Variants in ANKRD36 observed in about 807,000 individuals in gnomAD.
ANKRD36 encodes ankyrin repeat domain 36, also known as ankyrin repeat domain-containing protein 36A.
ANKRD36 carries 179 observed loss-of-function variants against 278.1 expected under a neutral mutation model. The observed-to-expected ratio is 0.64, with a 90% confidence interval of 0.57 to 0.73. The LOEUF (loss-of-function observed/expected upper bound fraction) is 0.73. Among genes scored for constraint, ANKRD36 ranks in the 30% least tolerant of loss-of-function variants. The pLI, the probability that ANKRD36 is intolerant of heterozygous loss-of-function variation, is 0.00. For synonymous variants in ANKRD36, 320 were observed against 641.1 expected (o/e 0.50, Z 7.57); for missense variants, 1,159 against 1,956.7 (o/e 0.59, Z 7.69).
At chr2:97,162,683 A>T (rs1206691535) in intron 18 of ANKRD36, among the ~76,000 whole-genome samples, 83 of 143,034 alleles carry the variant, frequency 5.8e-4, no homozygotes, top group African/African-American at 2.1e-3. Flanking sequence ...GGGTAGAAAA[A>T]CGACAGGAAA....
intron 44 of ANKRD36, among the ~76,000 whole-genome samples, chr2:97,200,037 A>C (rs1367563961): frequency 1.3e-5 from 2 of 151,910 alleles, no homozygotes; most frequent in African/African-American, 2.4e-5. Flanking sequence ...ATTTTAGATC[A>C]CATTTGTTCT....
intron 22 of ANKRD36, among the ~76,000 whole-genome samples, chr2:97,179,410 T>G (rs1186143039): frequency 1.3e-5 from 2 of 151,648 alleles, no homozygotes; most frequent in Non-Finnish European, 2.9e-5. Flanking sequence ...GGAGTATGAG[T>G]TGGACTCTGA....
Position 97,158,091 on chromosome 2 carries a change from C to G in ANKRD36, c.1261-16C>G, listed in dbSNP as rs1377773976. The G allele has an allele frequency of 2.8e-6, 4 of 1,448,312 alleles. No homozygotes were observed. Among genetic ancestry groups the G allele is most frequent in the Non-Finnish European group, 3.7e-6 (4 of 1,069,394 alleles). 89.7% of individuals were successfully genotyped at this position (1,448,312 alleles called of 1,614,324 possible). ...AACTTGCTGCATGTTATTCTTAAAC[C>G]TATTGTGTCTTCTAGAATATTTCAG... On this transcript the variant is annotated splice_polypyrimidine_tract_variant and intron_variant, in intron 15 of 75. Transcript: ENST00000420699.
intron 26 of ANKRD36, 80 bp downstream of exon 26, chr2:97,181,873 G>A: frequency 1.0e-6 from 1 of 990,322 alleles, no homozygotes; most frequent in African/African-American, 1.4e-5. Flanking sequence ...ATCAGCAGGG[G>A]ATTCATTGAA....
At chr2:97,195,259 C>T (rs1234034690) in intron 40 of ANKRD36, among the ~76,000 whole-genome samples, 7 of 151,938 alleles carry the variant, frequency 4.6e-5, no homozygotes, top group Non-Finnish European at 8.8e-5. Context: ...ATTTTACAGA[C>T]GTCACATCGT....
intron 50 of ANKRD36, among the ~76,000 whole-genome samples, chr2:97,205,524 G>A (rs998705885): frequency 3.3e-5 from 5 of 151,508 alleles, no homozygotes; most frequent in African/African-American, 1.2e-4. Context: ...CATGATGAAT[G>A]TTTGTAGTAT....
chr2:97,205,662 G>A (rs938195867), intron 50 of ANKRD36, among the ~76,000 whole-genome samples: 5 of 151,404 alleles, frequency 3.3e-5, no homozygotes, highest in South Asian at 2.1e-4. Flanking sequence ...CTCATCACTC[G>A]GCCTAAGCAC....
At chr2:97,233,469 T>G (rs2072881549) in intron 67 of ANKRD36, among the ~76,000 whole-genome samples, 1 of 151,976 alleles carries the variant, frequency 6.6e-6, no homozygotes, top group African/African-American at 2.4e-5. Flanking sequence ...GAAGACATTC[T>G]CTTAATCTTT....
intron 48 of ANKRD36, among the ~76,000 whole-genome samples, chr2:97,202,809 G>A (rs1260792586): frequency 2.6e-5 from 4 of 151,812 alleles, no homozygotes; most frequent in Non-Finnish European, 5.9e-5. Context: ...GGAGAAGTAA[G>A]GAGACCCTTG....
intron 8 of ANKRD36, among the ~76,000 whole-genome samples, chr2:97,144,047 A>G (rs2043596706): frequency 6.6e-6 from 1 of 152,168 alleles, no homozygotes; most frequent in Non-Finnish European, 1.5e-5. Flanking sequence ...CTAAAGTGCC[A>G]TTGTCCTTGT....
At chr2:97,232,382 G>A (rs946241443) in intron 67 of ANKRD36, among the ~76,000 whole-genome samples, 2 of 136,690 alleles carry the variant, frequency 1.5e-5, no homozygotes, top group African/African-American at 6.1e-5. Context: ...AGAGAATGTG[G>A]ATGAAACAAG....
rs1258946825 is a variant in ANKRD36 at position 97,231,879 on chromosome 2, C to G, written c.3952-1851C>G. Among the ~76,000 whole-genome samples the G allele has an allele frequency of 2.0e-5, 3 of 152,218 alleles. No individual in the cohort carries two copies. The South Asian group carries it at 6.3e-4, about 32-fold the overall frequency. The stretch of plus-strand genomic sequence containing the variant: ...ATTAGTTAGTAATATTAGGAAAAAG[C>G]ACTCAAGTGTACACTGTTCATATAG... On this transcript the variant is annotated intron_variant, in intron 67 of 75. Coordinates refer to ENST00000420699, the MANE Select transcript of ANKRD36 (RefSeq NM_001354587.1).
chr2:97,210,303 A>T (rs2064084828), intron 56 of ANKRD36, among the ~76,000 whole-genome samples: 1 of 151,850 alleles, frequency 6.6e-6, no homozygotes, highest in Non-Finnish European at 1.5e-5. Flanking sequence ...CCCCTGGTGT[A>T]GCAACTATTT....
intron 75 of ANKRD36, among the ~76,000 whole-genome samples, chr2:97,263,492 C>T (rs2153706763): frequency 1.6e-5 from 1 of 64,244 alleles, no homozygotes; most frequent in South Asian, 1.5e-3. Flanking sequence ...ATGTCTTTTA[C>T]TGCTCAGCTT....
At position 97,187,229 on chromosome 2, in the gene ANKRD36, A is replaced by T. The variant is rs1233798633; in HGVS notation, c.2070+3A>T. ...CTCAGAAACAACCAGCCTTGAAGGT[A>T]ATTAAACTCTCATTTATATTGTGAA... On this transcript the variant is annotated splice_donor_region_variant and intron_variant, in intron 31 of 75. Coordinates refer to ENST00000420699, the MANE Select transcript of ANKRD36 (RefSeq NM_001354587.1). The T allele has an allele frequency of 1.2e-6, 2 of 1,609,678 alleles. No homozygotes were observed. Among genetic ancestry groups the T allele is most frequent in the Non-Finnish European group, 1.7e-6 (2 of 1,178,754 alleles).
chr2:97,229,059 A>G (rs1307353227), intron 67 of ANKRD36, among the ~76,000 whole-genome samples: 1 of 151,966 alleles, frequency 6.6e-6, no homozygotes, highest in African/African-American at 2.4e-5. Context: ...ACTTCCAAGT[A>G]TGTGGTCAAT....
At chr2:97,219,728 G>A (rs1447401925) in intron 66 of ANKRD36, among the ~76,000 whole-genome samples, 1 of 135,756 alleles carries the variant, frequency 7.4e-6, no homozygotes, top group Non-Finnish European at 1.5e-5. Flanking sequence ...TGATCCTCCC[G>A]CCTCGCCCTC....
chr2:97,128,001 C>T (rs2039065476), intron 6 of ANKRD36, among the ~76,000 whole-genome samples: 1 of 151,730 alleles, frequency 6.6e-6, no homozygotes, highest in Non-Finnish European at 1.5e-5. Context: ...ATTTAGTGAA[C>T]ATTGAATGTA....
chr2:97,128,861 C>T (rs1476294461), intron 6 of ANKRD36, among the ~76,000 whole-genome samples: 1 of 152,106 alleles, frequency 6.6e-6, no homozygotes, highest in Non-Finnish European at 1.5e-5. Context: ...CATCCCAACT[C>T]CCTCCAACAT....
Sources: allele counts gnomAD v4.1 joint callset (sites outside exome capture counted in the v4.1 genomes callset), GRCh38; gene constraint gnomAD v4.1.1; transcripts MANE v1.5; gene names NCBI Gene and HGNC (gene_info 2026-07-23, HGNC 2026-07-21).